The following NEGR1 variants were observed in gnomAD, a reference collection of about 807,000 sequenced individuals.
NEGR1 encodes the protein IgLON family member 4.
In NEGR1, 10 loss-of-function variants were observed where a neutral mutation model predicts 40.9. The ratio of observed to expected loss-of-function variants is 0.24; its 90% CI spans 0.15 to 0.42. The LOEUF (loss-of-function observed/expected upper bound fraction) is 0.42, where lower values mean the gene tolerates loss of function less well. Ranked by LOEUF, NEGR1 falls within the 10% of genes least tolerant of loss-of-function variation. The pLI, the probability that NEGR1 is intolerant of heterozygous loss-of-function variation, is 1.00. For synonymous variants in NEGR1, 185 were observed against 166.8 expected (o/e 1.11, Z -0.84); for missense variants, 352 against 438.9 (o/e 0.80, Z 1.77).
At chr1:71,868,096 C>T (rs1417359220) in intron 2 of NEGR1, among the ~76,000 whole-genome samples, 8 of 152,132 alleles carry the variant, frequency 5.3e-5, no homozygotes, top group South Asian at 2.1e-4. Context: ...GGCACATACA[C>T]GTTTTATATA....
In NEGR1 at chr1:72,199,150, CAGAGAGAG is replaced by C. The variant is rs34602311; in HGVS notation, c.176+83161_176+83168del. 2.0e-3 allele frequency among the ~76,000 whole-genome samples: 229 copies of C among 115,260 alleles called. 1 individual carries two copies. The highest frequency in any genetic ancestry group is 0.01 in the South Asian group (38 of 3,720). The allele number at this position is 115,260 out of a possible 152,430, so 75.6% of individuals were successfully genotyped here. A position where few individuals can be genotyped will look rare whatever the true frequency, so the allele number is the denominator to read the frequency against. The stretch of plus-strand genomic sequence containing the variant: ...TTGGAGATCTATCTAGATAGACAGA[CAGAGAGAG>C]AGAGAGAGAGAGAGAGAGAGAGAGA... On this transcript the variant is annotated intron_variant, in intron 1 of 6. Coordinates refer to ENST00000357731, the MANE Select transcript of NEGR1 (RefSeq NM_173808.3).
At chr1:71,626,524 A>G (rs1283487622) in intron 4 of NEGR1, among the ~76,000 whole-genome samples, 6 of 151,816 alleles carry the variant, frequency 4.0e-5, no homozygotes, top group Non-Finnish European at 8.8e-5. Context: ...TGTCCCTACA[A>G]AGGACATGAA....
intron 3 of NEGR1, among the ~76,000 whole-genome samples, chr1:71,725,011 T>C (rs1654626518): frequency 6.6e-6 from 1 of 152,128 alleles, no homozygotes; most frequent in African/African-American, 2.4e-5. Context: ...CCTTGTTTCC[T>C]GCCTCTGAGG....
intron 1 of NEGR1, among the ~76,000 whole-genome samples, chr1:71,999,664 TATATATATATATATAC>T (rs1376481442): frequency 0.023 from 1,055 of 46,606 alleles, 70 homozygotes; most frequent in African/African-American, 0.052. Context: ...TATATATATA[TATATATATATATATAC>T]ATACATATTT....
intron 6 of NEGR1, among the ~76,000 whole-genome samples, chr1:71,501,530 T>G (rs1220103272): frequency 6.6e-6 from 1 of 152,156 alleles, no homozygotes; most frequent in Non-Finnish European, 1.5e-5. Flanking sequence ...GCTGCATGAC[T>G]CTAGAAAAGT....
At chr1:71,978,602 A>G (rs931839769) in intron 1 of NEGR1, among the ~76,000 whole-genome samples, 7 of 152,222 alleles carry the variant, frequency 4.6e-5, no homozygotes, top group Non-Finnish European at 1.0e-4. Context: ...AGCATATGAA[A>G]AAAAGTTCAA....
chr1:71,760,721 A>T (rs1454408072), intron 3 of NEGR1, among the ~76,000 whole-genome samples: 1 of 152,118 alleles, frequency 6.6e-6, no homozygotes, highest in African/African-American at 2.4e-5. Context: ...AACATCAAAG[A>T]GCAGAGTGTA....
intron 3 of NEGR1, among the ~76,000 whole-genome samples, chr1:71,699,809 T>G (rs907376320): frequency 1.3e-5 from 2 of 151,914 alleles, no homozygotes; most frequent in Admixed American, 6.6e-5. Flanking sequence ...GGTAATTAAA[T>G]CATGGGGGCT....
Position 71,407,181 on chromosome 1 carries a change from TCACAATTAATATC to T in NEGR1, c.*252_*264del, listed in dbSNP as rs1646283655. 3.9e-6 allele frequency: 1 copy of T among 254,588 alleles called. No homozygotes were observed. The highest frequency in any genetic ancestry group is 2.2e-5 in the African/African-American group (1 of 44,694). The allele number at this position is 254,588 out of a possible 1,614,324, so 15.8% of individuals were successfully genotyped here. A position where few individuals can be genotyped will look rare whatever the true frequency, so the allele number is the denominator to read the frequency against. ...AAAGTTGTAGATTACAAACATGAAA[TCACAATTAATATC>T]CTCTAAAAGTAATTTCAGAGCTTTC... On this transcript the variant is annotated 3_prime_UTR_variant, in exon 7 of 7. Transcript: ENST00000357731.
intron 6 of NEGR1, among the ~76,000 whole-genome samples, chr1:71,476,379 GTAAA>G (rs1646820924): frequency 6.6e-6 from 1 of 152,134 alleles, no homozygotes; most frequent in African/African-American, 2.4e-5. Flanking sequence ...TATCTGGTGT[GTAAA>G]TAATGTAACC....
intron 3 of NEGR1, among the ~76,000 whole-genome samples, chr1:71,743,407 G>T (rs570150959): frequency 1.4e-3 from 204 of 143,546 alleles, no homozygotes; most frequent in South Asian, 2.6e-3. Flanking sequence ...GCTGTCATTG[G>T]TTTTTTTTTT....
chr1:72,025,752 T>C (rs1011448091), intron 1 of NEGR1, among the ~76,000 whole-genome samples: 6 of 152,184 alleles, frequency 3.9e-5, no homozygotes, highest in African/African-American at 1.4e-4. Flanking sequence ...GTAATTTTTG[T>C]CTGTCTTTAT....
At chr1:71,898,863 G>T (rs1661046763) in intron 2 of NEGR1, among the ~76,000 whole-genome samples, 1 of 133,100 alleles carries the variant, frequency 7.5e-6, no homozygotes, top group Non-Finnish European at 1.6e-5. Context: ...ATAATATATT[G>T]CAAATATATA....
In NEGR1 at chr1:71,407,374, A is replaced by G; in HGVS notation, c.*72T>C. ...ATTATATCCCACGCTGCTTTTAACA[A>G]ACTGTACCAGATTGGATCCAGCCAT... On this transcript the variant is annotated 3_prime_UTR_variant, in exon 7 of 7. Transcript: ENST00000357731. 1.4e-6 allele frequency: 2 copies of G among 1,475,982 alleles called. No homozygotes were observed. The highest frequency in any genetic ancestry group is 2.3e-5 in the East Asian group (1 of 43,938). 91.4% of individuals were successfully genotyped at this position (1,475,982 alleles called of 1,614,324 possible). A position where few individuals can be genotyped will look rare whatever the true frequency, so the allele number is the denominator to read the frequency against.
In NEGR1 at chr1:72,233,253, C is replaced by A. The variant is rs535779466; in HGVS notation, c.176+49066G>T. Reference sequence around the variant, plus strand: ...AGTAGGGAGTAGCAATCCACTATGGCTGCCCTTACCAGGGAAACTTTATTA... The same window carrying A: ...AGTAGGGAGTAGCAATCCACTATGGATGCCCTTACCAGGGAAACTTTATTA... On this transcript the variant is annotated intron_variant, in intron 1 of 6. Transcript: ENST00000357731. Among the ~76,000 whole-genome samples the A allele has an allele frequency of 3.3e-5, 5 of 152,234 alleles. No homozygotes were observed. In the East Asian group the frequency reaches 9.7e-4, roughly 29 times the overall value.
At chr1:71,594,105 A>T (rs1409776329) in intron 5 of NEGR1, among the ~76,000 whole-genome samples, 1 of 152,206 alleles carries the variant, frequency 6.6e-6, no homozygotes, top group Non-Finnish European at 1.5e-5. Flanking sequence ...TTCCCCCAAC[A>T]TAGGCATTAG....
Position 72,062,488 on chromosome 1 carries a change from G to A in NEGR1, c.177-127177C>T, listed in dbSNP as rs115326532. On this transcript the variant is annotated intron_variant, in intron 1 of 6. Transcript: ENST00000357731. Reference sequence around the variant, plus strand: ...AAAGACTTCTTGTTCATCTTTAAATGCCCATCACCTAGAATAGTGTGAAGA... The same window carrying A: ...AAAGACTTCTTGTTCATCTTTAAATACCCATCACCTAGAATAGTGTGAAGA... 7.9e-4 allele frequency among the ~76,000 whole-genome samples: 120 copies of A among 151,958 alleles called. 1 individual carries two copies. Among genetic ancestry groups the A allele is most frequent in the African/African-American group, 2.7e-3 (114 of 41,504 alleles).
chr1:72,038,095 G>C (rs1480672906), intron 1 of NEGR1, among the ~76,000 whole-genome samples: 1 of 152,070 alleles, frequency 6.6e-6, no homozygotes, highest in African/African-American at 2.4e-5. Flanking sequence ...ATGTAGCAAG[G>C]CTTAAAAGGT....
chr1:72,020,217 G>C (rs1286315253), intron 1 of NEGR1, among the ~76,000 whole-genome samples: 8 of 152,118 alleles, frequency 5.3e-5, no homozygotes, highest in Admixed American at 2.0e-4. Context: ...AAAATCCTCA[G>C]AGGCCAATAT....
Sources: allele counts gnomAD v4.1 joint callset (sites outside exome capture counted in the v4.1 genomes callset), GRCh38; gene constraint gnomAD v4.1.1; transcripts MANE v1.5; gene names NCBI Gene and HGNC (gene_info 2026-07-23, HGNC 2026-07-21).